The following EGFLAM variants were observed in gnomAD, a reference collection of about 807,000 sequenced individuals.
EGFLAM encodes the protein pikachurin.
In EGFLAM, 79 loss-of-function variants were observed where a neutral mutation model predicts 113.1. The observed-to-expected ratio is 0.70, with a 90% confidence interval of 0.58 to 0.84. The LOEUF (loss-of-function observed/expected upper bound fraction) is 0.84, where lower values mean the gene tolerates loss of function less well. Ranked by LOEUF, EGFLAM falls within the 40% of genes least tolerant of loss-of-function variation. The pLI is 0.00. For missense variants in EGFLAM, 1,265 were observed against 1,291.6 expected, an observed-to-expected ratio of 0.98 and a Z score of 0.32; for synonymous variants, 504 against 487.6, an observed-to-expected ratio of 1.03 and a Z score of -0.44.
intron 6 of EGFLAM, among the ~76,000 whole-genome samples, chr5:38,378,433 G>C (rs150544695): frequency 6.6e-6 from 1 of 152,132 alleles, no homozygotes; most frequent in African/African-American, 2.4e-5. Flanking sequence ...ATCCCTGTTC[G>C]CAAGTGAGGA....
chr5:38,417,945 A>G, intron 11 of EGFLAM, 121 bp from the exon 12 acceptor site: 2 of 1,003,464 alleles, frequency 2.0e-6, no homozygotes, highest in Non-Finnish European at 1.4e-6. Context: ...ATAAATACAG[A>G]TGGAAGAAAA....
Position 38,338,709 on chromosome 5 carries a change from T to G in EGFLAM, c.219T>G (p.Ser73=). The change falls in exon 3 of 22, where the codon TCT becomes TCG. Residue 73 remains serine (S), a synonymous_variant. Coordinates refer to ENST00000322350, the MANE Select transcript of EGFLAM (RefSeq NM_152403.4). ...SPILGYTVFY[S]EVGADKSLQE... ...TGCATCTTTTCAAGGTCTTTTACTC[T>G]GAGGTTGGCGCAGATAAATCCCTGC... The G allele has an allele frequency of 6.2e-7, 1 of 1,614,228 alleles. No homozygotes were observed. The highest frequency in any genetic ancestry group is 8.5e-7 in the Non-Finnish European group (1 of 1,180,016).
In EGFLAM at chr5:38,430,543, C is replaced by T. The variant is rs539652680; in HGVS notation, c.2055-634C>T. Among the ~76,000 whole-genome samples, 6 of 152,310 alleles carry T rather than the reference C, an allele frequency of 3.9e-5. No homozygotes were observed. In the South Asian group the frequency reaches 1.2e-3, roughly 32 times the overall value. On this transcript the variant is annotated intron_variant, in intron 14 of 21. Transcript: ENST00000322350. Reference sequence around the variant, plus strand: ...GTGTGCCTAAGGTTAGCATTAGTTTCCTCATGGCTAGATTGACAAAAATGA... The same window carrying T: ...GTGTGCCTAAGGTTAGCATTAGTTTTCTCATGGCTAGATTGACAAAAATGA...
At chr5:38,370,972 G>A (rs1740199083) in intron 6 of EGFLAM, among the ~76,000 whole-genome samples, 1 of 152,192 alleles carries the variant, frequency 6.6e-6, no homozygotes, top group Admixed American at 6.5e-5. Flanking sequence ...TGTTCTCATA[G>A]TGCCTAGGAA....
chr5:38,324,659 A>G (rs796496300), intron 1 of EGFLAM, among the ~76,000 whole-genome samples: 11 of 144,500 alleles, frequency 7.6e-5, no homozygotes, highest in African/African-American at 2.8e-4. Context: ...GCTTTACAGG[A>G]AAAAAAAAAA....
chr5:38,429,186 T>C (rs1742108443), intron 14 of EGFLAM, among the ~76,000 whole-genome samples: 1 of 152,230 alleles, frequency 6.6e-6, no homozygotes, highest in African/African-American at 2.4e-5. Context: ...GAGTTCTTGA[T>C]GGCTGTGATC....
intron 1 of EGFLAM, among the ~76,000 whole-genome samples, chr5:38,328,233 G>T (rs1738939560): frequency 6.6e-6 from 1 of 152,128 alleles, no homozygotes; most frequent in South Asian, 2.1e-4. Context: ...AGGGGGAAGT[G>T]CCTTACACTT....
intron 14 of EGFLAM, chr5:38,430,117 G>C (rs1233321378): frequency 4.5e-6 from 1 of 224,586 alleles, no homozygotes; most frequent in Non-Finnish European, 9.4e-6. Context: ...AGTAGCATCT[G>C]GCCAGGACCA....
intron 1 of EGFLAM, among the ~76,000 whole-genome samples, chr5:38,309,840 C>T (rs532347633): frequency 1.3e-5 from 2 of 152,318 alleles, no homozygotes; most frequent in Admixed American, 6.5e-5. Flanking sequence ...AAATTTAGCT[C>T]TTTAGGGGAC....
At chr5:38,308,739 C>T (rs1171601994) in intron 1 of EGFLAM, among the ~76,000 whole-genome samples, 4 of 152,206 alleles carry the variant, frequency 2.6e-5, no homozygotes, top group African/African-American at 9.6e-5. Flanking sequence ...TTAAATGCTC[C>T]TTTCTATCAG....
chr5:38,359,412 C>T (rs1561292838), intron 5 of EGFLAM, among the ~76,000 whole-genome samples: 1 of 152,194 alleles, frequency 6.6e-6, no homozygotes, highest in Admixed American at 6.5e-5. Context: ...CGCAGTGGCT[C>T]ACGCCTGTAA....
intron 6 of EGFLAM, among the ~76,000 whole-genome samples, chr5:38,373,632 A>G (rs961743867): frequency 6.6e-6 from 1 of 152,206 alleles, no homozygotes; most frequent in African/African-American, 2.4e-5. Flanking sequence ...TGTAGTGTAT[A>G]TATACCACAT....
intron 14 of EGFLAM, among the ~76,000 whole-genome samples, chr5:38,427,834 G>A (rs1158661554): frequency 6.6e-6 from 1 of 152,166 alleles, no homozygotes; most frequent in African/African-American, 2.4e-5. Context: ...GGTTTCAATA[G>A]CATAGCAGGA....
chr5:38,365,695 T>C (rs1740041860), intron 5 of EGFLAM, among the ~76,000 whole-genome samples: 1 of 152,142 alleles, frequency 6.6e-6, no homozygotes, highest in Non-Finnish European at 1.5e-5. Flanking sequence ...AGGAGAAACA[T>C]GAATAAGGTA....
intron 1 of EGFLAM, among the ~76,000 whole-genome samples, chr5:38,323,153 A>G (rs1738784660): frequency 6.6e-6 from 1 of 152,242 alleles, no homozygotes; most frequent in Non-Finnish European, 1.5e-5. Context: ...GTGAAAATCA[A>G]ATAACTAAAA....
rs1743423408 is a variant in EGFLAM at position 38,465,040 on chromosome 5, T to A, written c.*1054T>A. 1 of 152,190 alleles carries A rather than the reference T, an allele frequency of 6.6e-6. No homozygotes were observed. Among genetic ancestry groups the A allele is most frequent in the South Asian group, 2.1e-4 (1 of 4,822 alleles). The allele number at this position is 152,190 out of a possible 1,614,324, so 9.4% of individuals were successfully genotyped here. A position where few individuals can be genotyped will look rare whatever the true frequency, so the allele number is the denominator to read the frequency against. On this transcript the variant is annotated 3_prime_UTR_variant, in exon 22 of 22. Transcript: ENST00000322350. ...GAACTTATTCATTCATTCATTCACT[T>A]ATGGAGTTGTTACTGATTTTGCGGA...
chr5:38,262,907 G>C (rs962479085), intron 1 of EGFLAM, among the ~76,000 whole-genome samples: 10 of 152,158 alleles, frequency 6.6e-5, no homozygotes, highest in Non-Finnish European at 1.3e-4. Flanking sequence ...TCACCAAACT[G>C]TTTTCCAAAG....
Position 38,258,665 on chromosome 5 carries a change from C to A in EGFLAM, c.-90C>A. 1 of 1,431,604 alleles carries A rather than the reference C, an allele frequency of 7.0e-7. No homozygotes were observed. The highest frequency in any genetic ancestry group is 1.4e-5 in the African/African-American group (1 of 70,708). The allele number at this position is 1,431,604 out of a possible 1,614,324, so 88.7% of individuals were successfully genotyped here. ...ACCTCCTCGCCCCGGCCCGGGGATC[C>A]GTTGGGGCCGCGTCCCCCACGCGCC... On this transcript the variant is annotated 5_prime_UTR_variant, in exon 1 of 22. Coordinates refer to ENST00000322350, the MANE Select transcript of EGFLAM (RefSeq NM_152403.4).
chr5:38,362,738 G>A (rs946700995), intron 5 of EGFLAM, among the ~76,000 whole-genome samples: 1 of 152,138 alleles, frequency 6.6e-6, no homozygotes, highest in Non-Finnish European at 1.5e-5. Context: ...ACTAGCACCT[G>A]GTCCTAGAAA....
Sources: allele counts gnomAD v4.1 joint callset (sites outside exome capture counted in the v4.1 genomes callset), GRCh38; gene constraint gnomAD v4.1.1; transcripts MANE v1.5; gene names NCBI Gene and HGNC (gene_info 2026-07-23, HGNC 2026-07-21).